Variants in RYR2 observed in about 807,000 individuals in gnomAD.
RYR2 encodes the protein ryanodine receptor 2, also known as cardiac muscle ryanodine receptor-calcium release channel.
RYR2 carries 227 observed loss-of-function variants against 601.1 expected under a neutral mutation model. The ratio of observed to expected loss-of-function variants is 0.38; its 90% confidence interval spans 0.34 to 0.42. The LOEUF is 0.42. RYR2 is among the 10% of genes least tolerant of loss of function. The pLI, the probability that RYR2 is intolerant of heterozygous loss-of-function variation, is 1.00. For synonymous variants in RYR2, 2,223 were observed against 2,175.1 expected (o/e 1.02, Z -0.61); for missense variants, 4,646 against 6,156.5 (o/e 0.75, Z 8.21).
chr1:237,223,090 C>G (rs978832172), intron 1 of RYR2, among the ~76,000 whole-genome samples: 5 of 152,164 alleles, frequency 3.3e-5, no homozygotes, highest in Admixed American at 6.5e-5. Flanking sequence ...AAAACAACAA[C>G]AAAACAACCG....
chr1:237,563,137 G>A (rs1285273000), intron 27 of RYR2, among the ~76,000 whole-genome samples: 1 of 152,172 alleles, frequency 6.6e-6, no homozygotes, highest in Non-Finnish European at 1.5e-5. Context: ...GCAGGGCACA[G>A]TGGCTCACAC....
intron 74 of RYR2, among the ~76,000 whole-genome samples, chr1:237,723,792 A>G (rs1282422243): frequency 6.6e-6 from 1 of 152,170 alleles, no homozygotes; most frequent in Non-Finnish European, 1.5e-5. Context: ...TATTAAAATC[A>G]TGTAAGAAAA....
At chr1:237,690,675 A>G (rs770548110) in intron 63 of RYR2, among the ~76,000 whole-genome samples, 6 of 152,168 alleles carry the variant, frequency 3.9e-5, no homozygotes, top group Non-Finnish European at 7.4e-5. Flanking sequence ...CAGCCTGGGA[A>G]ACATGGCGAG....
intron 2 of RYR2, among the ~76,000 whole-genome samples, chr1:237,294,441 AG>A (rs914790678): frequency 2.1e-4 from 32 of 151,842 alleles, no homozygotes; most frequent in African/African-American, 7.8e-4. Context: ...TGCTTTGATA[AG>A]AAAAAAAAAA....
chr1:237,336,680 A>G (rs1340148968), intron 3 of RYR2, among the ~76,000 whole-genome samples: 1 of 151,204 alleles, frequency 6.6e-6, no homozygotes, highest in East Asian at 2.0e-4. Flanking sequence ...ATGTGGAGAA[A>G]CCCCGTCTCT....
intron 24 of RYR2, among the ~76,000 whole-genome samples, chr1:237,527,573 C>A (rs976298536): frequency 1.1e-4 from 16 of 152,186 alleles, no homozygotes; most frequent in African/African-American, 3.9e-4. Context: ...CCACGATCTC[C>A]TGCTTCTGTA....
intron 80 of RYR2, among the ~76,000 whole-genome samples, chr1:237,745,817 C>G (rs2149225178): frequency 6.6e-6 from 1 of 152,156 alleles, no homozygotes; most frequent in African/African-American, 2.4e-5. Context: ...ATGACTGTCT[C>G]AGCAAGAGAC....
At chr1:237,263,845 C>A (rs1688769497) in intron 1 of RYR2, among the ~76,000 whole-genome samples, 1 of 151,948 alleles carries the variant, frequency 6.6e-6, no homozygotes, top group African/African-American at 2.4e-5. Context: ...CTTTCCCTTA[C>A]AGAACTTGCA....
chr1:237,611,579 C>A (rs1236440691), intron 36 of RYR2, among the ~76,000 whole-genome samples: 1 of 152,030 alleles, frequency 6.6e-6, no homozygotes, highest in African/African-American at 2.4e-5. Flanking sequence ...CATATGATAG[C>A]CAATTAAATT....
chr1:237,605,767 C>T (rs2148534866), intron 35 of RYR2, among the ~76,000 whole-genome samples: 1 of 152,162 alleles, frequency 6.6e-6, no homozygotes, highest in South Asian at 2.1e-4. Flanking sequence ...TTCTTATACA[C>T]CAACAACAGA....
intron 74 of RYR2, among the ~76,000 whole-genome samples, chr1:237,726,045 G>A (rs139207613): frequency 8.0e-4 from 121 of 152,120 alleles, no homozygotes; most frequent in African/African-American, 2.7e-3. Context: ...TGATTGAAGT[G>A]GATAATTGTC....
chr1:237,065,533 C>T (rs373549971), intron 1 of RYR2, among the ~76,000 whole-genome samples: 6 of 151,962 alleles, frequency 3.9e-5, no homozygotes, highest in Admixed American at 6.6e-5. Context: ...GATCCACCCA[C>T]GTCAGTCTCC....
chr1:237,728,712 C>G (rs1690415835), intron 76 of RYR2, among the ~76,000 whole-genome samples: 1 of 150,996 alleles, frequency 6.6e-6, no homozygotes, highest in African/African-American at 2.4e-5. Context: ...CATGTTCTCA[C>G]TCATAAGTGG....
rs551140501 is a variant in RYR2, at chr1:237,436,454, CTTTTTT to C, written c.1006-4846_1006-4841del. On this transcript the variant is annotated intron_variant, in intron 12 of 104. Coordinates refer to ENST00000366574, the MANE Select transcript of RYR2 (RefSeq NM_001035.3). ...AGCCGAGGGATAATGTGTGATTTTC[CTTTTTT>C]TTTTTTTTTTTTTTTTTTGCATTTC... Among the ~76,000 whole-genome samples, 115 of 48,718 alleles carry C rather than the reference CTTTTTT, an allele frequency of 2.4e-3. 2 individuals carry two copies. The highest frequency in any genetic ancestry group is 7.6e-3 in the African/African-American group (77 of 10,164). 32.0% of individuals were successfully genotyped at this position (48,718 alleles called of 152,430 possible). A position where few individuals can be genotyped will look rare whatever the true frequency, so the allele number is the denominator to read the frequency against.
At chr1:237,383,906 G>T (rs1053055466) in intron 8 of RYR2, among the ~76,000 whole-genome samples, 2 of 152,118 alleles carry the variant, frequency 1.3e-5, no homozygotes, top group East Asian at 1.9e-4. Context: ...TCCTGCAGTG[G>T]TTACATATTT....
At position 237,783,700 on chromosome 1, in the gene RYR2, C is replaced by T. The variant is rs56226196; in HGVS notation, c.11988C>T (p.Gly3996=). The change falls in exon 90 of 105, where the codon GGC becomes GGT. Residue 3996 remains glycine, a synonymous_variant. Coordinates refer to ENST00000366574, the MANE Select transcript of RYR2 (RefSeq NM_001035.3). The stretch of plus-strand genomic sequence containing the variant: ...GTAATGTTGTTAATGGAACGATTGG[C>T]AAACAGATGGTGGATATGCTTGTGG... ...LEGNVVNGTI[G]KQMVDMLVES... is the part of the protein sequence containing the mutation. The T allele has an allele frequency of 0.015, 24,165 of 1,605,234 alleles. 224 individuals are homozygous for T. The highest frequency in any genetic ancestry group is 0.023 in the Middle Eastern group (141 of 6,038).
At chr1:237,640,140 G>A (rs1425712077) in intron 46 of RYR2, among the ~76,000 whole-genome samples, 1 of 152,100 alleles carries the variant, frequency 6.6e-6, no homozygotes, top group Admixed American at 6.5e-5. Context: ...ACACTAGCAA[G>A]GGTACACCTG....
intron 12 of RYR2, among the ~76,000 whole-genome samples, chr1:237,431,068 C>T (rs1412448944): frequency 6.6e-6 from 1 of 152,136 alleles, no homozygotes; most frequent in Non-Finnish European, 1.5e-5. Flanking sequence ...TGGAACCACT[C>T]GAGTGTACAG....
chr1:237,727,392 T>G (rs113831431), intron 76 of RYR2, among the ~76,000 whole-genome samples, 193 bp downstream of exon 76: 1 of 152,284 alleles, frequency 6.6e-6, no homozygotes, highest in African/African-American at 2.4e-5. Context: ...ATGTAATTAT[T>G]AAATGACTCT....
Sources: gnomAD v4.1 joint callset for allele counts (sites outside exome capture counted in the v4.1 genomes callset) on GRCh38, gnomAD v4.1.1 for gene constraint, MANE v1.5 for transcripts, NCBI Gene and HGNC (gene_info 2026-07-23, HGNC 2026-07-21) for gene names.